RTN4: variants seen among roughly 807,000 people sequenced by gnomAD.
RTN4 encodes reticulon 4, also known as reticulon-4.
RTN4 carries 32 observed loss-of-function variants against 90.4 expected under a neutral mutation model. That is an observed-to-expected ratio of 0.35 (90% CI 0.27 to 0.48). The LOEUF is 0.48. RTN4 is among the 20% of genes least tolerant of loss of function. The pLI, the probability that RTN4 is intolerant of heterozygous loss-of-function variation, is 0.99. For synonymous variants in RTN4, 629 were observed against 552.5 expected (o/e 1.14, Z -1.94); for missense variants, 1,706 against 1,430.2 (o/e 1.19, Z -3.11).
At chr2:55,096,326 C>CG (rs1669033666) in intron 1 of RTN4, among the ~76,000 whole-genome samples, 1 of 137,570 alleles carries the variant, frequency 7.3e-6, no homozygotes, top group Non-Finnish European at 1.6e-5. Context: ...AACTCTGCCT[C>CG]AAAAAAAAAA....
intron 2 of RTN4, chr2:55,080,459 C>G (rs1668690154): frequency 6.6e-6 from 1 of 152,156 alleles, no homozygotes; most frequent in African/African-American, 2.4e-5. Flanking sequence ...CTTGTATTTG[C>G]ATATCACAGA....
the RTN4 span, among the ~76,000 whole-genome samples, chr2:55,137,627 C>T: frequency 2.6e-4 from 40 of 152,136 alleles, 1 homozygote; most frequent in South Asian, 7.0e-3. Flanking sequence ...CCCACAGGTG[C>T]CCCCTCAACC....
chr2:54,980,600 C>CA (rs1678039064), intron 5 of RTN4, among the ~76,000 whole-genome samples: 1 of 152,162 alleles, frequency 6.6e-6, no homozygotes, highest in Non-Finnish European at 1.5e-5. Flanking sequence ...TGGTGTATCT[C>CA]TGTTGCCGTG....
chr2:55,118,021 G>A, the RTN4 span, among the ~76,000 whole-genome samples: 16 of 152,288 alleles, frequency 1.1e-4, no homozygotes, highest in African/African-American at 3.9e-4. Context: ...TGGTTTGTTT[G>A]GGATTTTCTG....
At chr2:55,032,612 A>T (rs35981204) in intron 1 of RTN4, among the ~76,000 whole-genome samples, 23,835 of 152,198 alleles carry the variant, frequency 0.16, 2,170 homozygotes, top group South Asian at 0.35. Context: ...TTAAAAAACA[A>T]CAACAGAAAG....
At position 55,025,097 on chromosome 2, in the gene RTN4, C is replaced by G; in HGVS notation, c.3002G>C (p.Ser1001Thr). The change falls in exon 3 of 9, where the codon AGT becomes ACT. Residue 1001 changes from serine to threonine, a missense_variant. By Grantham distance (58) the Ser-to-Thr change is moderately conservative (BLOSUM62 1). Coordinates refer to ENST00000337526, the MANE Select transcript of RTN4 (RefSeq NM_020532.5). ...SPSAIFSAEL[S>T]KTSVVDLLYW... ...ATAGATTGGATTACCTGAAGTTTTA[C>G]TCAGCTCTGCTGAAAATATAGCAGA... The G allele has an allele frequency of 1.9e-6, 3 of 1,601,132 alleles. No homozygotes were observed. The highest frequency in any genetic ancestry group is 2.6e-6 in the Non-Finnish European group (3 of 1,173,536).
intron 1 of RTN4, among the ~76,000 whole-genome samples, chr2:55,112,083 G>A (rs1202528169): frequency 2.0e-5 from 3 of 152,198 alleles, no homozygotes; most frequent in Non-Finnish European, 2.9e-5. Context: ...CAGAAAGAGC[G>A]TGCCTTGGCT....
intron 1 of RTN4, among the ~76,000 whole-genome samples, chr2:55,034,769 AAAG>A (rs1388043734): frequency 6.6e-6 from 1 of 152,216 alleles, no homozygotes; most frequent in Non-Finnish European, 1.5e-5. Context: ...TAGTTTCTTC[AAAG>A]AATAACTTTC....
At position 54,974,640 on chromosome 2, in the gene RTN4, T is replaced by C. The variant is rs1271523824; in HGVS notation, c.3430+55A>G. 7 of 1,341,584 alleles carry C rather than the reference T, an allele frequency of 5.2e-6. No homozygotes were observed. The African/African-American group carries it at 1.0e-4, about 19-fold the overall frequency. The allele number at this position is 1,341,584 out of a possible 1,614,324, so 83.1% of individuals were successfully genotyped here. A position where few individuals can be genotyped will look rare whatever the true frequency, so the allele number is the denominator to read the frequency against. On this transcript the variant is annotated intron_variant, in intron 6 of 8. Coordinates refer to ENST00000337526, the MANE Select transcript of RTN4 (RefSeq NM_020532.5). ...ATATTCTCCACTAAAATGTCTAAGCTCCTGGCACACAATCTTTCCAGCAAT... is the reference window on the plus strand; with the variant it reads ...ATATTCTCCACTAAAATGTCTAAGCCCCTGGCACACAATCTTTCCAGCAAT...
intron 1 of RTN4, among the ~76,000 whole-genome samples, chr2:55,102,866 C>G (rs1667876864): frequency 6.6e-6 from 1 of 152,068 alleles, no homozygotes; most frequent in Non-Finnish European, 1.5e-5. Flanking sequence ...CGCCTGTAAT[C>G]CCAGCACTTT....
intron 1 of RTN4, among the ~76,000 whole-genome samples, chr2:55,031,997 T>A (rs1437418631): frequency 6.6e-6 from 1 of 151,912 alleles, no homozygotes; most frequent in African/African-American, 2.4e-5. Flanking sequence ...AATAAATTAA[T>A]GGACATGCAA....
chr2:55,023,109 A>G (rs1338902839), intron 3 of RTN4, among the ~76,000 whole-genome samples: 1 of 152,168 alleles, frequency 6.6e-6, no homozygotes, highest in South Asian at 2.1e-4. Context: ...CCTTCAACTT[A>G]GATGCCACAG....
chr2:55,027,185 C>A lies in RTN4; in HGVS notation c.914G>T (p.Ser305Ile), dbSNP rs747240734. The A allele has an allele frequency of 1.2e-6, 2 of 1,613,718 alleles. No individual in the cohort carries two copies. Among genetic ancestry groups the A allele is most frequent in the Non-Finnish European group, 8.5e-7 (1 of 1,179,804 alleles). ...LEYSEMGSSFSVSPKAESAVI... is the reference protein window; with the variant it reads ...LEYSEMGSSFIVSPKAESAVI... Reference sequence around the variant, plus strand: ...GGCAGATTCTGCTTTTGGAGAGACACTGAACGATGATCCCATTTCTGAGTA... The same window carrying A: ...GGCAGATTCTGCTTTTGGAGAGACAATGAACGATGATCCCATTTCTGAGTA... Residue 305 changes from serine to isoleucine, a missense_variant, in exon 3 of 9, where the codon AGT becomes ATT. By Grantham distance (142) the Ser-to-Ile change is moderately radical (BLOSUM62 -2). Coordinates refer to ENST00000337526, the MANE Select transcript of RTN4 (RefSeq NM_020532.5).
At chr2:55,118,717 T>C in the RTN4 span, among the ~76,000 whole-genome samples, 1 of 152,304 alleles carries the variant, frequency 6.6e-6, no homozygotes, top group African/African-American at 2.4e-5. Context: ...CAGCCATCAG[T>C]GCAGAGGGAA....
At chr2:55,092,674 G>A (rs760407802) in intron 1 of RTN4, among the ~76,000 whole-genome samples, 7 of 152,208 alleles carry the variant, frequency 4.6e-5, no homozygotes, top group Non-Finnish European at 7.3e-5. Flanking sequence ...CCCAATTGTG[G>A]CACCTGGTAA....
intron 2 of RTN4, among the ~76,000 whole-genome samples, chr2:55,070,320 A>C (rs1668484325): frequency 6.6e-6 from 1 of 151,466 alleles, no homozygotes; most frequent in Admixed American, 6.6e-5. Context: ...GCACTTTGGG[A>C]AGCTAAGGCA....
In RTN4 at chr2:55,026,001, C is replaced by T; in HGVS notation, c.2098G>A (p.Asp700Asn). The T allele has an allele frequency of 6.2e-7, 1 of 1,612,772 alleles. No homozygotes were observed. Among genetic ancestry groups the T allele is most frequent in the Non-Finnish European group, 8.5e-7 (1 of 1,179,748 alleles). The part of the protein sequence containing the change: ...TEAPYISIAC[D>N]LIKETKLSAE... ...GAAAGCTTTGTTTCTTTAATTAAAT[C>T]ACATGCAATAGATATATAAGGAGCT... is the stretch of plus-strand genomic sequence containing the variant. The change falls in exon 3 of 9, where the codon GAT becomes AAT. Residue 700 changes from aspartate to asparagine, a missense_variant. By Grantham distance (23) the Asp-to-Asn change is conservative. Coordinates refer to ENST00000337526, the MANE Select transcript of RTN4 (RefSeq NM_020532.5).
the RTN4 span, among the ~76,000 whole-genome samples, chr2:55,127,298 GA>G: frequency 6.6e-6 from 1 of 152,224 alleles, no homozygotes; most frequent in Non-Finnish European, 1.5e-5. Context: ...AGGCTGACAA[GA>G]TGATCACCTT....
intron 1 of RTN4, among the ~76,000 whole-genome samples, chr2:55,093,442 G>A (rs1668976633): frequency 6.6e-6 from 1 of 150,582 alleles, no homozygotes; most frequent in Non-Finnish European, 1.5e-5. Context: ...TAATGTCCCT[G>A]GGCCCAAAGA....
Sources: allele counts gnomAD v4.1 joint callset (sites outside exome capture counted in the v4.1 genomes callset), GRCh38; gene constraint gnomAD v4.1.1; transcripts MANE v1.5; gene names NCBI Gene and HGNC (gene_info 2026-07-23, HGNC 2026-07-21).